Variants in ILDR1 observed in about 807,000 individuals in gnomAD.
The protein encoded by ILDR1 is immunoglobulin-like domain-containing receptor 1.
ILDR1 carries 56 observed loss-of-function variants against 62.4 expected under a neutral mutation model. That is an observed-to-expected ratio of 0.90 (90% confidence interval 0.72 to 1.12). The LOEUF (loss-of-function observed/expected upper bound fraction) is 1.12. Ranked by LOEUF, ILDR1 falls within the 50% of genes most tolerant of loss-of-function variation. ILDR1 has a pLI of 0.00. For missense variants in ILDR1, 736 were observed against 710.6 expected, an observed-to-expected ratio of 1.04 and a Z score of -0.41; for synonymous variants, 284 against 277.8, an observed-to-expected ratio of 1.02 and a Z score of -0.22.
the ILDR1 span, among the ~76,000 whole-genome samples, chr3:122,051,812 C>G: frequency 1.3e-5 from 2 of 152,138 alleles, no homozygotes; most frequent in East Asian, 3.9e-4. Context: ...TAATCTTTAG[C>G]CTGGCTAAAG....
the ILDR1 span, among the ~76,000 whole-genome samples, chr3:122,036,602 A>G: frequency 3.3e-5 from 5 of 151,744 alleles, no homozygotes; most frequent in East Asian, 1.9e-4. Context: ...AAAAAAAAAA[A>G]GGGAGGAAAC....
At chr3:122,002,133 C>T (rs1233087413) in intron 3 of ILDR1, among the ~76,000 whole-genome samples, 1 of 152,034 alleles carries the variant, frequency 6.6e-6, no homozygotes, top group Non-Finnish European at 1.5e-5. Flanking sequence ...CAGTGAGACC[C>T]TATCTCAAAA....
At chr3:122,046,406 T>C in the ILDR1 span, among the ~76,000 whole-genome samples, 73 of 150,240 alleles carry the variant, frequency 4.9e-4, no homozygotes, top group African/African-American at 1.7e-3. Flanking sequence ...CTTGGAGTTG[T>C]TCTTCTCGAG....
chr3:122,042,843 A>G, the ILDR1 span, among the ~76,000 whole-genome samples: 1 of 151,862 alleles, frequency 6.6e-6, no homozygotes, highest in Admixed American at 6.6e-5. Context: ...AGGTTGTGAA[A>G]ATTTTTTCCC....
chr3:122,030,182 T>C, the ILDR1 span, among the ~76,000 whole-genome samples: 212 of 152,292 alleles, frequency 1.4e-3, no homozygotes, highest in Non-Finnish European at 2.3e-3. Context: ...TCTAATTCTT[T>C]CAACATTTTA....
At chr3:122,047,635 G>C in the ILDR1 span, among the ~76,000 whole-genome samples, 2 of 152,156 alleles carry the variant, frequency 1.3e-5, no homozygotes, top group African/African-American at 2.4e-5. Context: ...TTTTTAAGCC[G>C]GTCTGAAAAG....
chr3:122,037,118 T>C, the ILDR1 span, among the ~76,000 whole-genome samples: 151 of 152,330 alleles, frequency 9.9e-4, no homozygotes, highest in African/African-American at 3.2e-3. Flanking sequence ...GGTGGAGCCC[T>C]CATGGAGAAT....
the ILDR1 span, among the ~76,000 whole-genome samples, chr3:122,042,606 A>T: frequency 6.6e-6 from 1 of 151,276 alleles, no homozygotes; most frequent in South Asian, 2.1e-4. Context: ...AATGATTGCC[A>T]TTCTAACTGG....
At position 121,987,851 on chromosome 3, in the gene ILDR1, C is replaced by A; in HGVS notation, c.*516G>T. On this transcript the variant is annotated 3_prime_UTR_variant, in exon 8 of 8. Coordinates refer to ENST00000344209, the MANE Select transcript of ILDR1 (RefSeq NM_001199799.2). ...ATATAAATATGCAAGAGAGCATGAA[C>A]CAAGGCTAAAACTACAGTTGGTAAT... 3.9e-6 allele frequency: 1 copy of A among 256,940 alleles called. No individual in the cohort carries two copies. Among genetic ancestry groups the A allele is most frequent in the Non-Finnish European group, 7.6e-6 (1 of 131,426 alleles). 15.9% of individuals were successfully genotyped at this position (256,940 alleles called of 1,614,324 possible). A position where few individuals can be genotyped will look rare whatever the true frequency, so the allele number is the denominator to read the frequency against.
At chr3:122,046,080 C>T in the ILDR1 span, among the ~76,000 whole-genome samples, 543 of 148,626 alleles carry the variant, frequency 3.7e-3, 5 homozygotes, top group African/African-American at 9.7e-3. Flanking sequence ...CCATGTTTAG[C>T]ACTTCCTTCA....
intron 5 of ILDR1, among the ~76,000 whole-genome samples, chr3:122,000,435 G>A (rs1417916600): frequency 6.6e-6 from 1 of 152,168 alleles, no homozygotes; most frequent in Non-Finnish European, 1.5e-5. Context: ...TGCTGAAGAC[G>A]GAGGTCCTGG....
chr3:122,005,357 G>A lies in ILDR1; in HGVS notation c.266C>T (p.Ser89Phe). The change falls in exon 3 of 8, where the codon TCC (serine) becomes TTC (phenylalanine). Residue 89 changes from serine (S) to phenylalanine (F), a missense_variant. Transcript: ENST00000344209. ...CCGCTGGTTGTCGTTGCAGTCATTG[G>A]ATGGGTCCTGGCCCAGGGATAAAGC... is the stretch of plus-strand genomic sequence containing the variant. The part of the protein sequence containing the change: ...QAALSLGQDP[S>F]NDCNDNQREV... 6.2e-7 allele frequency: 1 copy of A among 1,614,190 alleles called. No homozygotes were observed. Among genetic ancestry groups the A allele is most frequent in the Non-Finnish European group, 8.5e-7 (1 of 1,180,032 alleles).
chr3:122,034,514 TC>T, the ILDR1 span, among the ~76,000 whole-genome samples: 42 of 152,178 alleles, frequency 2.8e-4, no homozygotes, highest in Non-Finnish European at 4.6e-4. Flanking sequence ...AGCTGATGCT[TC>T]CAGATGCCAT....
intron 5 of ILDR1, among the ~76,000 whole-genome samples, chr3:121,995,536 G>GA (rs2071423759): frequency 6.6e-6 from 1 of 152,192 alleles, no homozygotes; most frequent in African/African-American, 2.4e-5. Flanking sequence ...AGAGTCCCCA[G>GA]AAATGTCCGG....
At chr3:122,044,783 T>C in the ILDR1 span, among the ~76,000 whole-genome samples, 2 of 152,162 alleles carry the variant, frequency 1.3e-5, no homozygotes, top group Non-Finnish European at 2.9e-5. Flanking sequence ...TCATTTTTTA[T>C]TGTGTCTATT....
the ILDR1 span, among the ~76,000 whole-genome samples, chr3:122,034,337 AAG>A: frequency 6.6e-6 from 1 of 152,200 alleles, no homozygotes; most frequent in Non-Finnish European, 1.5e-5. Context: ...GAGAGCTAGA[AAG>A]AGAGTTATTT....
At chr3:121,999,157 T>C (rs1244517422) in intron 5 of ILDR1, among the ~76,000 whole-genome samples, 1 of 152,230 alleles carries the variant, frequency 6.6e-6, no homozygotes, top group Non-Finnish European at 1.5e-5. Flanking sequence ...ACATTGTAGA[T>C]CAGGTTTTGT....
chr3:122,038,434 A>G, the ILDR1 span, among the ~76,000 whole-genome samples: 1 of 152,204 alleles, frequency 6.6e-6, no homozygotes, highest in Non-Finnish European at 1.5e-5. Context: ...TGATACTAAC[A>G]ACAAACTTCA....
Position 121,993,349 on chromosome 3 carries a change from C to T in ILDR1, c.1400G>A (p.Ser467Asn), listed in dbSNP as rs529264421. 3.7e-6 allele frequency: 6 copies of T among 1,609,846 alleles called. No homozygotes were observed. The South Asian group carries it at 4.4e-5, about 12-fold the overall frequency. The change falls in exon 7 of 8, where the codon AGC becomes AAC. Residue 467 changes from serine to asparagine, a missense_variant. Ser to Asn is a conservative substitution (Grantham distance 46). Transcript: ENST00000344209. Reference protein sequence around the residue: ...QRHGRRRRHRSYSPPLPSGLS... With the variant: ...QRHGRRRRHRNYSPPLPSGLS... ...GCCGGAGGGCAAGGGAGGAGAGTAG[C>T]TGCGGTGCCTGCGTCGTCTCCCGTG...
Sources: gnomAD v4.1 joint callset for allele counts (sites outside exome capture counted in the v4.1 genomes callset) on GRCh38, gnomAD v4.1.1 for gene constraint, MANE v1.5 for transcripts, NCBI Gene and HGNC (gene_info 2026-07-23, HGNC 2026-07-21) for gene names.